CACNB2: variants seen among roughly 807,000 people sequenced by gnomAD.
The protein encoded by CACNB2 is calcium voltage-gated channel auxiliary subunit beta 2, also known as voltage-dependent L-type calcium channel subunit beta-2.
In CACNB2, 42 loss-of-function variants were observed where a neutral mutation model predicts 73.3. The ratio of observed to expected loss-of-function variants is 0.57; its 90% CI spans 0.45 to 0.74. The LOEUF (loss-of-function observed/expected upper bound fraction) is 0.74. CACNB2 is among the 30% of genes least tolerant of loss of function. The pLI is 0.00. For missense variants in CACNB2, 940 were observed against 853.0 expected (o/e 1.10, Z -1.27); for synonymous variants, 348 against 310.3 (o/e 1.12, Z -1.28).
intron 2 of CACNB2, among the ~76,000 whole-genome samples, chr10:18,276,084 A>G (rs1465198331): frequency 2.0e-5 from 3 of 152,252 alleles, no homozygotes; most frequent in Non-Finnish European, 4.4e-5. Flanking sequence ...ATAACTAATC[A>G]ATAAATACAG....
intron 2 of CACNB2, among the ~76,000 whole-genome samples, chr10:18,171,549 A>G (rs968751194): frequency 7.1e-6 from 1 of 139,956 alleles, no homozygotes. Context: ...AAAAAAAAAA[A>G]GGCTATTTGT....
chr10:18,443,554 A>G (rs1248607968), intron 3 of CACNB2, among the ~76,000 whole-genome samples: 3 of 152,160 alleles, frequency 2.0e-5, no homozygotes, highest in Non-Finnish European at 4.4e-5. Context: ...TAATTTGAGT[A>G]ACTAATAGGC....
rs1385981630 is a variant in CACNB2, at chr10:18,501,967, G to T, written c.593+1019G>T. Among the ~76,000 whole-genome samples, 5 of 152,218 alleles carry T rather than the reference G, an allele frequency of 3.3e-5. No homozygotes were observed. The East Asian group carries it at 9.6e-4, about 29-fold the overall frequency. ...ATTCCTGGGTTATTGAGAGCACTCA[G>T]ATGGTGAGATGCATTCAGTCATATA... On this transcript the variant is annotated intron_variant, in intron 5 of 13. Transcript: ENST00000324631.
At position 18,310,669 on chromosome 10, in the gene CACNB2, C is replaced by T. The variant is rs146667384; in HGVS notation, c.214-91255C>T. 3.2e-3 allele frequency among the ~76,000 whole-genome samples: 479 copies of T among 149,658 alleles called. 1 individual carries two copies. Among genetic ancestry groups the T allele is most frequent in the African/African-American group, 0.011 (449 of 40,792 alleles). On this transcript the variant is annotated intron_variant, in intron 2 of 13. Transcript: ENST00000324631. The stretch of plus-strand genomic sequence containing the variant: ...AAATTATAAAGAAAAGAAACCCACC[C>T]ACTGGGTTCGAGCAATTCTCCTGCC...
chr10:18,161,931 A>G (rs889717186), intron 2 of CACNB2, among the ~76,000 whole-genome samples: 6 of 152,142 alleles, frequency 3.9e-5, no homozygotes, highest in Non-Finnish European at 7.4e-5. Flanking sequence ...TCCTTCTCAG[A>G]AATAAAATAA....
At chr10:18,395,443 T>G (rs559316615) in intron 2 of CACNB2, among the ~76,000 whole-genome samples, 1 of 152,180 alleles carries the variant, frequency 6.6e-6, no homozygotes, top group Admixed American at 6.5e-5. Flanking sequence ...TTCTGGTGCC[T>G]TTTAAAAAAA....
At chr10:18,341,391 T>A (rs1389399806) in intron 2 of CACNB2, among the ~76,000 whole-genome samples, 1 of 152,202 alleles carries the variant, frequency 6.6e-6, no homozygotes, top group African/African-American at 2.4e-5. Context: ...TGCTGCAAAT[T>A]AAGATTCTTT....
chr10:18,284,822 T>C (rs2038715971), intron 2 of CACNB2, among the ~76,000 whole-genome samples: 1 of 152,178 alleles, frequency 6.6e-6, no homozygotes, highest in Admixed American at 6.6e-5. Flanking sequence ...ATAGAATGCA[T>C]TTCTTGTCTA....
chr10:18,166,219 G>A (rs1168558317), intron 2 of CACNB2, among the ~76,000 whole-genome samples: 1 of 152,062 alleles, frequency 6.6e-6, no homozygotes, highest in East Asian at 1.9e-4. Context: ...CTTCAATCCT[G>A]ATTCAATTAA....
chr10:18,394,915 C>G (rs952645605), intron 2 of CACNB2, among the ~76,000 whole-genome samples: 1 of 152,144 alleles, frequency 6.6e-6, no homozygotes. Flanking sequence ...TACAAGAACT[C>G]TGTTTATATT....
At chr10:18,309,194 T>G (rs763552809) in intron 2 of CACNB2, among the ~76,000 whole-genome samples, 1 of 152,180 alleles carries the variant, frequency 6.6e-6, no homozygotes, top group African/African-American at 2.4e-5. Context: ...TTTTATATGT[T>G]TAAAGGTAGC....
At chr10:18,184,078 C>G (rs369865216) in intron 2 of CACNB2, among the ~76,000 whole-genome samples, 6 of 152,322 alleles carry the variant, frequency 3.9e-5, no homozygotes, top group African/African-American at 1.4e-4. Context: ...GAACTTGCTG[C>G]ACTGGGGCAT....
At chr10:18,536,022 G>T in intron 11 of CACNB2, 79 bp from the exon 12 acceptor site, 1 of 832,184 alleles carries the variant, frequency 1.2e-6, no homozygotes. Context: ...AAAGGCCCCA[G>T]AGAAAGGAGT....
chr10:18,439,022 A>G (rs2046289588), intron 3 of CACNB2, among the ~76,000 whole-genome samples: 1 of 152,138 alleles, frequency 6.6e-6, no homozygotes, highest in Non-Finnish European at 1.5e-5. Flanking sequence ...TAACTTCTCT[A>G]CCCTCTTCGG....
At chr10:18,206,284 C>A (rs765366828) in intron 2 of CACNB2, 1 of 152,354 alleles carries the variant, frequency 6.6e-6, no homozygotes, top group South Asian at 2.1e-4. Flanking sequence ...TGAGCCACTG[C>A]GCATGGCCAT....
At chr10:18,260,316 A>G in intron 2 of CACNB2, 1 of 454,732 alleles carries the variant, frequency 2.2e-6, no homozygotes, top group Non-Finnish European at 2.9e-6. Context: ...AGGCAGCCTT[A>G]TGTAGTTTAT....
At chr10:18,198,080 T>C (rs569270421) in intron 2 of CACNB2, among the ~76,000 whole-genome samples, 52 of 147,866 alleles carry the variant, frequency 3.5e-4, no homozygotes, top group African/African-American at 1.3e-3. Context: ...ATGTAACATA[T>C]TAACTTACAT....
intron 2 of CACNB2, among the ~76,000 whole-genome samples, chr10:18,391,352 T>C (rs765951044): frequency 6.6e-6 from 1 of 152,220 alleles, no homozygotes; most frequent in Non-Finnish European, 1.5e-5. Context: ...TGTTTAAGAA[T>C]GTTTAGGAAT....
chr10:18,165,072 G>A (rs2032753423), intron 2 of CACNB2, among the ~76,000 whole-genome samples: 1 of 152,112 alleles, frequency 6.6e-6, no homozygotes, highest in Non-Finnish European at 1.5e-5. Flanking sequence ...CCAGCATTAC[G>A]AGTTCTGCAA....
Sources: allele counts gnomAD v4.1 joint callset (sites outside exome capture counted in the v4.1 genomes callset), GRCh38; gene constraint gnomAD v4.1.1; transcripts MANE v1.5; gene names NCBI Gene and HGNC (gene_info 2026-07-23, HGNC 2026-07-21).